The following MARCHF7 variants were observed in gnomAD, a reference collection of about 807,000 sequenced individuals.
MARCHF7 encodes membrane associated ring-CH-type finger 7.
Under a neutral mutation model 76.5 loss-of-function variants are expected in MARCHF7, and 20 were observed. The ratio of observed to expected loss-of-function variants is 0.26; its 90% CI spans 0.18 to 0.38. The LOEUF is 0.38. Ranked by LOEUF, MARCHF7 falls within the 10% of genes least tolerant of loss-of-function variation. The pLI is 1.00. For missense variants in MARCHF7, 797 were observed against 812.9 expected, an observed-to-expected ratio of 0.98 and a Z score of 0.24; for synonymous variants, 295 against 293.0, an observed-to-expected ratio of 1.01 and a Z score of -0.07.
At chr2:159,725,171 G>C (rs1246056512) in intron 3 of MARCHF7, among the ~76,000 whole-genome samples, 1 of 152,200 alleles carries the variant, frequency 6.6e-6, no homozygotes, top group African/African-American at 2.4e-5. Flanking sequence ...ATAGTAGCAT[G>C]ATTTATAATC....
At chr2:159,744,213 C>T (rs550030583) in intron 5 of MARCHF7, among the ~76,000 whole-genome samples, 5 of 151,840 alleles carry the variant, frequency 3.3e-5, no homozygotes, top group African/African-American at 7.3e-5. Context: ...TGGTCTCGAT[C>T]TCCTGACCTC....
intron 5 of MARCHF7, among the ~76,000 whole-genome samples, chr2:159,744,321 A>T (rs1430405720): frequency 6.6e-6 from 1 of 152,194 alleles, no homozygotes; most frequent in African/African-American, 2.4e-5. Flanking sequence ...TTAGAAAGTC[A>T]TAGTTTTAGT....
Position 159,759,250 on chromosome 2 carries a change from C to T in MARCHF7, c.1808C>T (p.Thr603Ile). ...GGTTCTTCATTAGAAGCTGTAACCA[C>T]CTGTGAACTATGTAAAGAGAAGTTG... Reference protein sequence around the residue: ...NSGSSLEAVTTCELCKEKLEL... With the variant: ...NSGSSLEAVTICELCKEKLEL... The change falls in exon 9 of 12, where the codon ACC (threonine) becomes ATC (isoleucine). Residue 603 changes from threonine to isoleucine, a missense_variant. Physicochemically the swap from Thr to Ile is moderately conservative, Grantham distance 89 (BLOSUM62 -1). Around this residue, in one of 3 missense-constraint regions of MARCHF7, gnomAD observed 30 missense variants for 60.1 expected, o/e 0.50. Coordinates refer to ENST00000409175, the MANE Select transcript of MARCHF7 (RefSeq NM_001282805.2). 1 of 1,609,116 alleles carries T rather than the reference C, an allele frequency of 6.2e-7. No individual in the cohort carries two copies. The highest frequency in any genetic ancestry group is 1.1e-5 in the South Asian group (1 of 90,624).
chr2:159,751,191 C>T (rs1247200592), intron 7 of MARCHF7, among the ~76,000 whole-genome samples: 1 of 152,106 alleles, frequency 6.6e-6, no homozygotes, highest in East Asian at 1.9e-4. Flanking sequence ...AATTTAAGTA[C>T]AGTAGTGTAG....
chr2:159,752,412 G>A lies in MARCHF7; in HGVS notation c.1624G>A (p.Glu542Lys). The A allele has an allele frequency of 6.3e-7, 1 of 1,585,304 alleles. No homozygotes were observed. The highest frequency in any genetic ancestry group is 8.6e-7 in the Non-Finnish European group (1 of 1,168,250). ...TGCCTTCTTTTCCAGCCTCCTTTTA[G>A]AGGACTCAGAAGAAGAAGAAGGTGA... ...LQKIKESLLLEDSEEEEGDLC... is the reference protein window; with the variant it reads ...LQKIKESLLLKDSEEEEGDLC... Residue 542 changes from glutamate (E) to lysine (K), a missense_variant, in exon 8 of 12, where the codon GAG (glutamate) becomes AAG (lysine). Glu to Lys is a moderately conservative substitution (Grantham distance 56). Around this residue, in one of 3 missense-constraint regions of MARCHF7, gnomAD observed 643 missense variants for 631.5 expected, o/e 1.02. Transcript: ENST00000409175.
chr2:159,752,164 C>T (rs1212176326), intron 7 of MARCHF7, among the ~76,000 whole-genome samples: 1 of 152,174 alleles, frequency 6.6e-6, no homozygotes, highest in Non-Finnish European at 1.5e-5. Flanking sequence ...GCCTATTTTA[C>T]TTACCTTTAA....
At chr2:159,732,715 A>G (rs777049056) in intron 4 of MARCHF7, 13 of 364,522 alleles carry the variant, frequency 3.6e-5, no homozygotes, top group Non-Finnish European at 4.9e-5. Flanking sequence ...TTTTTCTTAT[A>G]GAGATGGGGT....
chr2:159,724,025 C>T lies in MARCHF7; in HGVS notation c.-14-4984C>T, dbSNP rs561801198. ...GGTTTCATATCTTGTTATTTCCTGC[C>T]TCACACTCCCATTTTTCTAGGACAC... On this transcript the variant is annotated intron_variant, in intron 3 of 11. Transcript: ENST00000409175. Among the ~76,000 whole-genome samples, 5 of 152,222 alleles carry T rather than the reference C, an allele frequency of 3.3e-5. No individual in the cohort carries two copies. The East Asian group carries it at 9.6e-4, about 29-fold the overall frequency.
At chr2:159,713,162 C>G (rs1244911669) in intron 1 of MARCHF7, among the ~76,000 whole-genome samples, 1 of 152,192 alleles carries the variant, frequency 6.6e-6, no homozygotes, top group Admixed American at 6.5e-5. Context: ...TTTTGAATAT[C>G]GTGACGCCCT....
intron 4 of MARCHF7, among the ~76,000 whole-genome samples, chr2:159,737,734 C>T (rs933940503): frequency 6.6e-6 from 1 of 152,158 alleles, no homozygotes; most frequent in African/African-American, 2.4e-5. Flanking sequence ...GCCACAGTCA[C>T]CTGTGATTGC....
At chr2:159,722,914 GTTAGT>G (rs1405247750) in intron 3 of MARCHF7, among the ~76,000 whole-genome samples, 7 of 152,114 alleles carry the variant, frequency 4.6e-5, no homozygotes, top group Non-Finnish European at 1.0e-4. Context: ...TTCCTACTAG[GTTAGT>G]TTAGTTCTGC....
chr2:159,719,117 G>C (rs1701346201), intron 3 of MARCHF7, among the ~76,000 whole-genome samples: 1 of 152,126 alleles, frequency 6.6e-6, no homozygotes, highest in Admixed American at 6.5e-5. Flanking sequence ...TGGGATTACA[G>C]GTGTGCACCA....
chr2:159,712,997 C>T (rs938073878), intron 1 of MARCHF7, among the ~76,000 whole-genome samples: 7 of 152,070 alleles, frequency 4.6e-5, no homozygotes, highest in Non-Finnish European at 1.0e-4. Context: ...GGGGGGTCTT[C>T]GGAGCCCTGC....
chr2:159,754,327 T>C (rs147403834), intron 8 of MARCHF7, among the ~76,000 whole-genome samples: 24 of 152,010 alleles, frequency 1.6e-4, no homozygotes, highest in African/African-American at 5.5e-4. Flanking sequence ...TTAAGGTATA[T>C]GTGATCAACC....
intron 3 of MARCHF7, among the ~76,000 whole-genome samples, chr2:159,722,320 T>A (rs1701724931): frequency 6.6e-6 from 1 of 152,074 alleles, no homozygotes; most frequent in Admixed American, 6.5e-5. Flanking sequence ...GTATTTATAG[T>A]AGAGAGAGGG....
chr2:159,764,691 C>G lies in MARCHF7; in HGVS notation c.2056+17C>G. On this transcript the variant is annotated intron_variant, in intron 11 of 11. Coordinates refer to ENST00000409175, the MANE Select transcript of MARCHF7 (RefSeq NM_001282805.2). ...ATCTCGAAAGTAGGTGGAATTTCCC[C>G]TCCCCAGACTTGTTGAATTTACTTT... 1 of 1,594,066 alleles carries G rather than the reference C, an allele frequency of 6.3e-7. No homozygotes were observed.
chr2:159,753,644 A>T (rs142818188), intron 8 of MARCHF7, among the ~76,000 whole-genome samples: 3 of 152,162 alleles, frequency 2.0e-5, no homozygotes, highest in Non-Finnish European at 4.4e-5. Flanking sequence ...TATGATGGGA[A>T]GCTGCTAAAG....
At chr2:159,760,559 G>C (rs867337543) in intron 9 of MARCHF7, among the ~76,000 whole-genome samples, 1 of 152,114 alleles carries the variant, frequency 6.6e-6, no homozygotes, top group Non-Finnish European at 1.5e-5. Flanking sequence ...TTAAAAACCA[G>C]GGGAAACATG....
At chr2:159,733,549 T>A (rs199599530) in intron 4 of MARCHF7, 9 of 886,066 alleles carry the variant, frequency 1.0e-5, no homozygotes, top group African/African-American at 5.9e-5. Flanking sequence ...GAGGCAACAT[T>A]AAAAAAAAAA....
Sources: gnomAD v4.1 joint callset for allele counts (sites outside exome capture counted in the v4.1 genomes callset) on GRCh38, gnomAD v4.1.1 for gene constraint, gnomAD v4.1.1 regional missense constraint, MANE v1.5 for transcripts, NCBI Gene and HGNC (gene_info 2026-07-23, HGNC 2026-07-21) for gene names.